CNTN5: variants seen among roughly 807,000 people sequenced by gnomAD.
CNTN5 encodes contactin-5.
CNTN5 carries 77 observed loss-of-function variants against 129.1 expected under a neutral mutation model. The ratio of observed to expected loss-of-function variants is 0.60; its 90% CI spans 0.50 to 0.72. CNTN5 has a LOEUF of 0.72. Ranked by LOEUF, CNTN5 falls within the 30% of genes least tolerant of loss-of-function variation. The pLI, the probability that CNTN5 is intolerant of heterozygous loss-of-function variation, is 0.00. For missense variants in CNTN5, 1,478 were observed against 1,328.8 expected (o/e 1.11, Z -1.75); for synonymous variants, 509 against 465.6 (o/e 1.09, Z -1.20).
intron 3 of CNTN5, among the ~76,000 whole-genome samples, chr11:99,749,093 C>T (rs185102440): frequency 3.2e-4 from 47 of 149,098 alleles, no homozygotes; most frequent in African/African-American, 1.1e-3. Context: ...ATGGTGATGT[C>T]AGAAAACTAC....
intron 16 of CNTN5, among the ~76,000 whole-genome samples, chr11:100,228,616 T>A (rs1229174028): frequency 2.6e-5 from 4 of 152,216 alleles, no homozygotes; most frequent in African/African-American, 9.6e-5. Flanking sequence ...ATAAAATAAG[T>A]CTACAGGTAT....
At chr11:99,746,993 T>C (rs1037552317) in intron 3 of CNTN5, among the ~76,000 whole-genome samples, 3 of 152,226 alleles carry the variant, frequency 2.0e-5, no homozygotes, top group African/African-American at 7.2e-5. Context: ...TTGCATTGAA[T>C]CTGTAGATAG....
intron 15 of CNTN5, among the ~76,000 whole-genome samples, chr11:100,196,779 T>C (rs1948649500): frequency 6.6e-6 from 1 of 151,996 alleles, no homozygotes. Context: ...AGTTAGTACA[T>C]AAACATTTGA....
intron 7 of CNTN5, among the ~76,000 whole-genome samples, chr11:99,949,896 T>C (rs1464281389): frequency 6.6e-6 from 1 of 152,212 alleles, no homozygotes; most frequent in East Asian, 1.9e-4. Flanking sequence ...ATTATTTTAT[T>C]TATCTTATGT....
rs558327411 is a variant in CNTN5 at position 99,719,420 on chromosome 11, T to G, written c.56-100124T>G. 1.4e-4 allele frequency among the ~76,000 whole-genome samples: 21 copies of G among 152,220 alleles called. No individual in the cohort carries two copies. The South Asian group carries it at 4.4e-3, about 32-fold the overall frequency. ...TGAGGATATATGTGTAAAAATGTTT[T>G]CATAGGAGTAAAATGTATGCAAATT... On this transcript the variant is annotated intron_variant, in intron 3 of 24. Transcript: ENST00000524871.
intron 9 of CNTN5, among the ~76,000 whole-genome samples, chr11:100,022,406 G>T (rs185713843): frequency 9.3e-4 from 141 of 152,094 alleles, no homozygotes; most frequent in Non-Finnish European, 1.6e-3. Context: ...TATGTTCTTT[G>T]TACATTCTAT....
intron 2 of CNTN5, among the ~76,000 whole-genome samples, chr11:99,416,154 G>C (rs890621434): frequency 1.3e-5 from 2 of 151,950 alleles, no homozygotes; most frequent in Non-Finnish European, 2.9e-5. Context: ...TATAATTCAG[G>C]GTTTTATTTA....
chr11:99,770,925 A>C (rs1944923022), intron 3 of CNTN5, among the ~76,000 whole-genome samples: 1 of 152,138 alleles, frequency 6.6e-6, no homozygotes. Flanking sequence ...AAGCTATAAT[A>C]ATCAAAAGAG....
rs571215819 is a variant in CNTN5 at position 99,225,302 on chromosome 11, C to A, written c.-209-100044C>A. Among the ~76,000 whole-genome samples the A allele has an allele frequency of 3.3e-5, 5 of 152,028 alleles. No individual in the cohort carries two copies. The South Asian group carries it at 8.3e-4, about 25-fold the overall frequency. Reference sequence around the variant, plus strand: ...ATAGCAACAGGGCGCTATAGGCCTGCGAGAGAAGAGTGAAAGAAAGCATGG... The same window carrying A: ...ATAGCAACAGGGCGCTATAGGCCTGAGAGAGAAGAGTGAAAGAAAGCATGG... On this transcript the variant is annotated intron_variant, in intron 1 of 24. Coordinates refer to ENST00000524871, the MANE Select transcript of CNTN5 (RefSeq NM_014361.4).
At chr11:99,832,143 T>A (rs1234288208) in intron 4 of CNTN5, among the ~76,000 whole-genome samples, 1 of 152,196 alleles carries the variant, frequency 6.6e-6, no homozygotes, top group Admixed American at 6.5e-5. Flanking sequence ...GTAAGAAAAC[T>A]GCTTGAATTT....
At chr11:99,265,532 G>A (rs2135838002) in intron 1 of CNTN5, among the ~76,000 whole-genome samples, 1 of 152,098 alleles carries the variant, frequency 6.6e-6, no homozygotes, top group South Asian at 2.1e-4. Flanking sequence ...AATGATTAGA[G>A]GTGTTGTAGC....
intron 9 of CNTN5, among the ~76,000 whole-genome samples, chr11:100,056,242 T>G (rs1943216240): frequency 6.6e-6 from 1 of 151,794 alleles, no homozygotes; most frequent in Non-Finnish European, 1.5e-5. Flanking sequence ...AGTTATGTGC[T>G]GTTCTGTATT....
chr11:99,552,233 T>G (rs2135526077), intron 2 of CNTN5, among the ~76,000 whole-genome samples: 1 of 151,224 alleles, frequency 6.6e-6, no homozygotes, highest in South Asian at 2.1e-4. Context: ...TTTTGTATTA[T>G]ATTTTGCCAA....
At chr11:99,864,615 G>T (rs1228945057) in intron 6 of CNTN5, among the ~76,000 whole-genome samples, 1 of 152,000 alleles carries the variant, frequency 6.6e-6, no homozygotes, top group Non-Finnish European at 1.5e-5. Flanking sequence ...TTTCAACTCA[G>T]GATCTCGGCT....
chr11:99,823,482 G>A (rs1036293093), intron 4 of CNTN5, among the ~76,000 whole-genome samples: 1 of 151,370 alleles, frequency 6.6e-6, no homozygotes, highest in Non-Finnish European at 1.5e-5. Context: ...AGTCCTGTTT[G>A]TTATATAAAC....
chr11:99,954,776 C>G (rs1591476095), intron 7 of CNTN5, among the ~76,000 whole-genome samples: 1 of 152,288 alleles, frequency 6.6e-6, no homozygotes, highest in Admixed American at 6.5e-5. Flanking sequence ...ACTGCAAACT[C>G]AGGTTGTCAG....
intron 4 of CNTN5, among the ~76,000 whole-genome samples, chr11:99,821,377 C>G (rs1946795632): frequency 6.6e-6 from 1 of 152,142 alleles, no homozygotes; most frequent in African/African-American, 2.4e-5. Context: ...TGCTTGTACA[C>G]CTACTGTGAG....
At chr11:99,079,534 G>A (rs185382641) in intron 1 of CNTN5, among the ~76,000 whole-genome samples, 1 of 152,278 alleles carries the variant, frequency 6.6e-6, no homozygotes, top group African/African-American at 2.4e-5. Flanking sequence ...GTAGGATCTT[G>A]CAAATTCTAG....
chr11:99,518,285 T>C (rs892933032), intron 2 of CNTN5, among the ~76,000 whole-genome samples: 2 of 152,134 alleles, frequency 1.3e-5, no homozygotes, highest in African/African-American at 4.8e-5. Context: ...AAGACTCAGG[T>C]CGCCACTTTA....
Sources: allele counts gnomAD v4.1 joint callset (sites outside exome capture counted in the v4.1 genomes callset), GRCh38; gene constraint gnomAD v4.1.1; transcripts MANE v1.5; gene names NCBI Gene and HGNC (gene_info 2026-07-23, HGNC 2026-07-21).